ZBTB17: variants seen among roughly 807,000 people sequenced by gnomAD.
ZBTB17 encodes the protein zinc finger and BTB domain containing 17.
ZBTB17 carries 24 observed loss-of-function variants against 85.1 expected under a neutral mutation model. The observed-to-expected ratio is 0.28, with a 90% CI of 0.20 to 0.40. ZBTB17 has a LOEUF of 0.40. Ranked by LOEUF, ZBTB17 falls within the 10% of genes least tolerant of loss-of-function variation. ZBTB17 has a pLI of 1.00. For missense variants in ZBTB17, 743 were observed against 1,105.1 expected (o/e 0.67, Z 4.65); for synonymous variants, 464 against 460.2 (o/e 1.01, Z -0.11).
chr1:15,943,548 C>T (rs767483948), intron 11 of ZBTB17, 29 bp from the exon 12 acceptor site: 18 of 1,611,662 alleles, frequency 1.1e-5, no homozygotes, highest in Admixed American at 6.7e-5. Context: ...GTGTTGGTGC[C>T]TGCTCCTCTC....
chr1:15,956,351 T>C (rs762208485), intron 2 of ZBTB17, among the ~76,000 whole-genome samples: 2 of 152,222 alleles, frequency 1.3e-5, no homozygotes, highest in South Asian at 2.1e-4. Flanking sequence ...TTTCAAGTGG[T>C]TACAGATCAA....
intron 6 of ZBTB17, 116 bp from the exon 7 acceptor site, chr1:15,945,318 C>T (rs1323129966): frequency 6.9e-7 from 1 of 1,458,388 alleles, no homozygotes; most frequent in South Asian, 1.4e-5. Flanking sequence ...CCAAGGAAAG[C>T]CCCCGGGGGG....
intron 2 of ZBTB17, among the ~76,000 whole-genome samples, chr1:15,959,918 A>T (rs2072195645): frequency 6.6e-6 from 1 of 152,172 alleles, no homozygotes; most frequent in Admixed American, 6.5e-5. Flanking sequence ...CAAAGGAAAA[A>T]ATTTCTCATG....
chr1:15,954,278 A>C (rs768284227), intron 2 of ZBTB17, among the ~76,000 whole-genome samples: 25 of 152,202 alleles, frequency 1.6e-4, no homozygotes, highest in Non-Finnish European at 2.6e-4. Context: ...CAAACATGAA[A>C]TGTTACCCAG....
rs776892143 is a variant in ZBTB17 at position 15,947,029 on chromosome 1, T to C, written c.300A>G (p.Gln100=). The C allele has an allele frequency of 6.2e-7, 1 of 1,614,000 alleles. No homozygotes were observed. Among genetic ancestry groups the C allele is most frequent in the African/African-American group, 1.3e-5 (1 of 74,930 alleles). ...GGCAGGCCGTGATGATGTCCTGCAT[T>C]TGGAGGAAAGTGGCCACGGCCAGCA... The part of the protein sequence containing the change: ...DDVLAVATFL[Q]MQDIITACHA... Residue 100 remains glutamine (Q), a synonymous_variant, in exon 4 of 16, where the codon CAA becomes CAG. Transcript: ENST00000375743.
chr1:15,953,392 C>G lies in ZBTB17; in HGVS notation c.-2-4895G>C, dbSNP rs961306662. Among the ~76,000 whole-genome samples the G allele has an allele frequency of 2.0e-5, 3 of 152,116 alleles. No individual in the cohort carries two copies. Among genetic ancestry groups the G allele is most frequent in the Non-Finnish European group, 2.9e-5 (2 of 68,016 alleles). On this transcript the variant is annotated intron_variant, in intron 2 of 15. Coordinates refer to ENST00000375743, the MANE Select transcript of ZBTB17 (RefSeq NM_003443.3). This position sits in a 1 kb window ranked among gnomAD's most constrained non-coding sequence, Gnocchi z 5.1. ...CAGTCATGGCACAGAGTGTGCTGGC[C>G]AAGGCTGGGTTGCTCCCAACCACAC...
Position 15,942,333 on chromosome 1 carries a change from T to C in ZBTB17, c.2126A>G (p.Glu709Gly). 6.2e-7 allele frequency: 1 copy of C among 1,613,974 alleles called. No homozygotes were observed. Among genetic ancestry groups the C allele is most frequent in the Non-Finnish European group, 8.5e-7 (1 of 1,180,008 alleles). ...CACACCCGGGTGGCCCCCCTCACCT[T>C]CTTCCTGCACTTGCTTCACAGCTTT... ...ISKAVKQVQEEDPNTHILYAC... is the reference protein window; with the variant it reads ...ISKAVKQVQEGDPNTHILYAC... The change falls in exon 15 of 16, where the codon GAA (glutamate) becomes GGA (glycine). Residue 709 changes from glutamate to glycine, a missense_variant and splice_region_variant. By Grantham distance (98) the Glu-to-Gly change is moderately conservative (BLOSUM62 -2). Transcript: ENST00000375743.
chr1:15,943,300 G>C, intron 12 of ZBTB17, 99 bp downstream of exon 12: 1 of 1,594,160 alleles, frequency 6.3e-7, no homozygotes. Context: ...TGGGGCGTGG[G>C]CAGCAGTCAG....
chr1:15,942,079 C>T lies in ZBTB17; in HGVS notation c.2302G>A (p.Val768Met), dbSNP rs1236400126. 1.2e-6 allele frequency: 2 copies of T among 1,613,142 alleles called. No homozygotes were observed. Among genetic ancestry groups the T allele is most frequent in the Admixed American group, 3.3e-5 (2 of 60,022 alleles). Residue 768 changes from valine to methionine, a missense_variant, in exon 16 of 16, where the codon GTG becomes ATG. Val to Met is a conservative substitution (Grantham distance 21, BLOSUM62 1). Around this residue, in one of 4 missense-constraint regions of ZBTB17, gnomAD observed 69 missense variants for 77.0 expected, o/e 0.90. Transcript: ENST00000375743. ...GPGGTWPAGQ[V>M]LQAGELVFRP... ...AAGACCAGCTCCCCAGCCTGCAGCA[C>T]CTGCCCGGCAGGCCACGTGCCACCT...
rs1228227963 is a variant in ZBTB17 at position 15,945,274 on chromosome 1, A to G, written c.662-72T>C. On this transcript the variant is annotated intron_variant, in intron 6 of 15. Coordinates refer to ENST00000375743, the MANE Select transcript of ZBTB17 (RefSeq NM_003443.3). ...AGCGCACGTGAGGGGCGCCGGCAAC[A>G]TGTGGAAGGGACAGTAAATGGCCCC... 6 of 1,519,874 alleles carry G rather than the reference A, an allele frequency of 3.9e-6. No individual in the cohort carries two copies. In the African/African-American group the frequency reaches 4.1e-5, roughly 10 times the overall value. 94.1% of individuals were successfully genotyped at this position (1,519,874 alleles called of 1,614,324 possible).
intron 6 of ZBTB17, among the ~76,000 whole-genome samples, 171 bp from the exon 7 acceptor site, chr1:15,945,373 G>T (rs942412958): frequency 1.3e-4 from 20 of 152,218 alleles, no homozygotes; most frequent in Non-Finnish European, 2.9e-5. Flanking sequence ...CAGGTAGGGG[G>T]CTTAGCCAGC....
chr1:15,956,526 T>C (rs1276330650), intron 2 of ZBTB17, among the ~76,000 whole-genome samples: 6 of 152,242 alleles, frequency 3.9e-5, no homozygotes, highest in Admixed American at 1.3e-4. Flanking sequence ...TGAATGTCCA[T>C]TCCATTAATC....
chr1:15,968,473 T>C (rs1045819152), intron 2 of ZBTB17, among the ~76,000 whole-genome samples: 1 of 152,120 alleles, frequency 6.6e-6, no homozygotes, highest in African/African-American at 2.4e-5. Context: ...CGGATCATAA[T>C]TGAGGTGAAA....
chr1:15,969,727 T>G, intron 2 of ZBTB17: 2 of 483,148 alleles, frequency 4.1e-6, no homozygotes, highest in South Asian at 1.6e-5. Context: ...CACCAGGGAG[T>G]CTGTGGGAGC....
intron 2 of ZBTB17, chr1:15,969,895 C>T (rs1475588659): frequency 1.6e-6 from 1 of 626,380 alleles, no homozygotes; most frequent in African/African-American, 1.8e-5. Flanking sequence ...CAGACGGAGG[C>T]AGCTAGGACT....
rs1005633506 is a variant in ZBTB17 at position 15,943,538 on chromosome 1, G to T, written c.1577-19C>A. 1 of 1,611,120 alleles carries T rather than the reference G, an allele frequency of 6.2e-7. No homozygotes were observed. On this transcript the variant is annotated intron_variant, in intron 11 of 15. Transcript: ENST00000375743. ...TTCTCACCTGGGGACCGGGCAGAAG[G>T]TGTTGGTGCCTGCTCCTCTCCGTGC...
chr1:15,974,754 T>C (rs1209308430), intron 1 of ZBTB17, among the ~76,000 whole-genome samples: 1 of 152,140 alleles, frequency 6.6e-6, no homozygotes, highest in Non-Finnish European at 1.5e-5. Context: ...TTTGTATTTT[T>C]AGTAGAGACG....
At chr1:15,968,432 C>A (rs952275594) in intron 2 of ZBTB17, among the ~76,000 whole-genome samples, 1 of 152,104 alleles carries the variant, frequency 6.6e-6, no homozygotes, top group South Asian at 2.1e-4. Flanking sequence ...AAGATGCTGG[C>A]GGTCTCATGG....
chr1:15,962,521 C>T (rs2072296124), intron 2 of ZBTB17, among the ~76,000 whole-genome samples: 1 of 152,180 alleles, frequency 6.6e-6, no homozygotes, highest in Non-Finnish European at 1.5e-5. Context: ...CAGTCACCCC[C>T]ATTGAGCAGA....
Sources: gnomAD v4.1 joint callset for allele counts (sites outside exome capture counted in the v4.1 genomes callset) on GRCh38, gnomAD v4.1.1 for gene constraint, gnomAD v4.1.1 regional missense constraint, Gnocchi (gnomAD v3.1) non-coding constraint, MANE v1.5 for transcripts, NCBI Gene and HGNC (gene_info 2026-07-23, HGNC 2026-07-21) for gene names.